Variants in PDE4D observed in about 807,000 individuals in gnomAD.
PDE4D encodes phosphodiesterase 4D, also known as 3',5'-cyclic-AMP phosphodiesterase 4D.
A neutral mutation model predicts 87.4 loss-of-function variants in PDE4D; 24 were observed. The ratio of observed to expected loss-of-function variants is 0.27; its 90% CI spans 0.20 to 0.39. The LOEUF (loss-of-function observed/expected upper bound fraction) is 0.39, where lower values mean the gene tolerates loss of function less well. Ranked by LOEUF, PDE4D falls within the 10% of genes least tolerant of loss-of-function variation. The pLI is 1.00. For synonymous variants in PDE4D, 384 were observed against 383.2 expected (o/e 1.00, Z -0.02); for missense variants, 714 against 1,041.0 (o/e 0.69, Z 4.32).
intron 1 of PDE4D, among the ~76,000 whole-genome samples, chr5:59,605,130 C>T (rs1828015099): frequency 6.6e-6 from 1 of 152,056 alleles, no homozygotes; most frequent in South Asian, 2.1e-4. Context: ...GTGCTTAAAA[C>T]TGCATATTGG....
intron 1 of PDE4D, among the ~76,000 whole-genome samples, chr5:59,359,397 T>C (rs1339843366): frequency 6.6e-6 from 1 of 152,182 alleles, no homozygotes; most frequent in Non-Finnish European, 1.5e-5. Context: ...CTTAAATAAT[T>C]ACTTACCGCC....
At chr5:59,363,808 C>T (rs533227655) in intron 1 of PDE4D, among the ~76,000 whole-genome samples, 12 of 152,208 alleles carry the variant, frequency 7.9e-5, no homozygotes, top group Admixed American at 3.9e-4. Context: ...CAAAATTGGC[C>T]TGTGAGCCTG....
At position 59,215,757 on chromosome 5, in the gene PDE4D, T is replaced by C; in HGVS notation, c.647+20A>G. 8 of 1,608,900 alleles carry C rather than the reference T, an allele frequency of 5.0e-6. No homozygotes were observed. The highest frequency in any genetic ancestry group is 6.8e-6 in the Non-Finnish European group (8 of 1,175,386). ...TAAATTTACTCGGTTTTCTCTCTCT[T>C]TGCCTGCCCTTGTACTTACATATCA... On this transcript the variant is annotated intron_variant, in intron 2 of 14. Transcript: ENST00000340635.
intron 2 of PDE4D, among the ~76,000 whole-genome samples, chr5:60,076,670 C>T (rs1346081250): frequency 4.1e-5 from 3 of 73,462 alleles, no homozygotes; most frequent in East Asian, 4.1e-4. Flanking sequence ...TTTTCTGGCT[C>T]CTCAAGGTTA....
chr5:60,376,069 A>T (rs1218146243), intron 1 of PDE4D, among the ~76,000 whole-genome samples: 1 of 152,132 alleles, frequency 6.6e-6, no homozygotes, highest in Non-Finnish European at 1.5e-5. Context: ...TGATTCCCAG[A>T]TTTTTACAGC....
rs575154031 is a variant in PDE4D at position 60,424,831 on chromosome 5, G to A, written c.-90+63111C>T. On this transcript the variant is annotated intron_variant, in intron 1 of 16. Coordinates refer to the PDE4D transcript ENST00000502484. ...CCTTAAGCTGATAAGCAACTTCAGCGAAGTCTCAGGATACAAAATCAATGT... is the reference window on the plus strand; with the variant it reads ...CCTTAAGCTGATAAGCAACTTCAGCAAAGTCTCAGGATACAAAATCAATGT... Among the ~76,000 whole-genome samples, 264 of 152,158 alleles carry A rather than the reference G, an allele frequency of 1.7e-3. 1 individual carries two copies. Among genetic ancestry groups the A allele is most frequent in the African/African-American group, 5.3e-3 (218 of 41,516 alleles).
At chr5:60,172,703 G>A (rs1783578099) in intron 2 of PDE4D, among the ~76,000 whole-genome samples, 1 of 152,116 alleles carries the variant, frequency 6.6e-6, no homozygotes, top group Non-Finnish European at 1.5e-5. Context: ...GCTTTAACCA[G>A]GCCATCTTTG....
chr5:60,292,743 C>T (rs1223823375), intron 1 of PDE4D, among the ~76,000 whole-genome samples: 5 of 152,150 alleles, frequency 3.3e-5, no homozygotes, highest in Non-Finnish European at 5.9e-5. Context: ...TCTCCCCCTT[C>T]CCCAACAAAA....
intron 1 of PDE4D, among the ~76,000 whole-genome samples, chr5:59,281,467 A>C (rs1040346914): frequency 2.6e-5 from 4 of 152,196 alleles, no homozygotes; most frequent in Non-Finnish European, 2.9e-5. Context: ...TTATCTAAGC[A>C]TACGCATTTA....
intron 5 of PDE4D, among the ~76,000 whole-genome samples, chr5:59,145,460 G>T (rs563530003): frequency 3.9e-5 from 6 of 152,070 alleles, no homozygotes; most frequent in African/African-American, 1.4e-4. Context: ...TGAACAGCTC[G>T]GTTACTAAAA....
chr5:59,298,064 C>T (rs555940779), intron 1 of PDE4D, among the ~76,000 whole-genome samples: 3 of 149,138 alleles, frequency 2.0e-5, no homozygotes, highest in Admixed American at 6.7e-5. Context: ...GGTAGAAGAA[C>T]ACAACAAAAA....
At chr5:59,503,802 TG>T (rs1808748860) in intron 1 of PDE4D, among the ~76,000 whole-genome samples, 1 of 152,156 alleles carries the variant, frequency 6.6e-6, no homozygotes, top group African/African-American at 2.4e-5. Context: ...ATTTTGGAGT[TG>T]GAACTCTCCA....
chr5:59,187,540 T>C (rs894313390), intron 3 of PDE4D, among the ~76,000 whole-genome samples: 1 of 152,192 alleles, frequency 6.6e-6, no homozygotes, highest in Non-Finnish European at 1.5e-5. Flanking sequence ...ATATTTTACA[T>C]AATTACAAGC....
In PDE4D at chr5:59,927,064, T is replaced by C. The variant is rs115808452; in HGVS notation, c.272+61424A>G. Reference sequence around the variant, plus strand: ...AAGGAGAGTTTGTCTTCAGCTTACATAGACCAAAACACATGAACTAAAGGA... The same window carrying C: ...AAGGAGAGTTTGTCTTCAGCTTACACAGACCAAAACACATGAACTAAAGGA... On this transcript the variant is annotated intron_variant, in intron 3 of 16. Coordinates refer to the PDE4D transcript ENST00000502484. Among the ~76,000 whole-genome samples, 240 of 152,310 alleles carry C rather than the reference T, an allele frequency of 1.6e-3. 2 individuals are homozygous for C. Among genetic ancestry groups the C allele is most frequent in the African/African-American group, 5.5e-3 (227 of 41,582 alleles).
chr5:60,143,810 A>C (rs1780766736), intron 2 of PDE4D, among the ~76,000 whole-genome samples: 1 of 152,180 alleles, frequency 6.6e-6, no homozygotes, highest in African/African-American at 2.4e-5. Context: ...CTACATTTAT[A>C]TAAATTAGAC....
chr5:59,382,865 T>C (rs1208126824), intron 1 of PDE4D, among the ~76,000 whole-genome samples: 2 of 152,224 alleles, frequency 1.3e-5, no homozygotes, highest in East Asian at 3.8e-4. Flanking sequence ...GGGGACATTA[T>C]ATTTATGTAA....
rs368811622 is a variant in PDE4D, at chr5:60,320,770, G to A, written c.-89-135083C>T. Among the ~76,000 whole-genome samples the A allele has an allele frequency of 6.6e-5, 10 of 152,190 alleles. No homozygotes were observed. In the East Asian group the frequency reaches 1.9e-3, roughly 29 times the overall value. On this transcript the variant is annotated intron_variant, in intron 1 of 16. Coordinates refer to the PDE4D transcript ENST00000502484. ...ATTTCTATGCACCAATAACATCCAA[G>A]CTGAGAACCAAATCAAGAACACAAT...
chr5:59,846,580 A>C (rs1233496439), intron 1 of PDE4D, among the ~76,000 whole-genome samples: 1 of 152,036 alleles, frequency 6.6e-6, no homozygotes, highest in Admixed American at 6.6e-5. Flanking sequence ...CATTTAAGAT[A>C]TTTGTCATCA....
intron 1 of PDE4D, among the ~76,000 whole-genome samples, chr5:59,288,320 TCAGA>T (rs1043859793): frequency 6.7e-6 from 1 of 150,236 alleles, no homozygotes; most frequent in Non-Finnish European, 1.5e-5. Flanking sequence ...GAAAAATGTC[TCAGA>T]GTCTCTTAAC....
Sources: allele counts gnomAD v4.1 joint callset (sites outside exome capture counted in the v4.1 genomes callset), GRCh38; gene constraint gnomAD v4.1.1; transcripts MANE v1.5; gene names NCBI Gene and HGNC (gene_info 2026-07-23, HGNC 2026-07-21).